Variants in NRG1 observed in about 807,000 individuals in gnomAD.
NRG1 encodes pro-neuregulin-1, membrane-bound isoform.
NRG1 carries 18 observed loss-of-function variants against 63.8 expected under a neutral mutation model. That is an observed-to-expected ratio of 0.28 (90% CI 0.19 to 0.42). The LOEUF (loss-of-function observed/expected upper bound fraction) is 0.42, where lower values mean the gene tolerates loss of function less well. Among genes scored for constraint, NRG1 ranks in the 10% least tolerant of loss-of-function variants. NRG1 has a pLI of 1.00. For missense variants in NRG1, 762 were observed against 814.7 expected (o/e 0.94, Z 0.79); for synonymous variants, 302 against 301.3 (o/e 1.00, Z -0.02).
intron 1 of NRG1, among the ~76,000 whole-genome samples, chr8:31,876,588 G>A (rs57517056): frequency 0.012 from 1,867 of 152,240 alleles, 45 homozygotes; most frequent in African/African-American, 0.043. Context: ...TAGTTATGGA[G>A]TGGATACACA....
chr8:32,493,799 T>C (rs1395027236), intron 1 of NRG1, among the ~76,000 whole-genome samples: 1 of 152,166 alleles, frequency 6.6e-6, no homozygotes, highest in South Asian at 2.1e-4. Flanking sequence ...AGATAATGAG[T>C]TCCCCCTGTT....
At chr8:32,109,218 C>T (rs191364788) in intron 1 of NRG1, among the ~76,000 whole-genome samples, 4 of 152,296 alleles carry the variant, frequency 2.6e-5, no homozygotes, top group Non-Finnish European at 5.9e-5. Context: ...GAACCCCAAA[C>T]ATCTTCCCAC....
At chr8:32,222,621 T>C (rs1845937324) in intron 1 of NRG1, among the ~76,000 whole-genome samples, 1 of 152,206 alleles carries the variant, frequency 6.6e-6, no homozygotes, top group South Asian at 2.1e-4. Context: ...GCTTTTTATC[T>C]TTTCAAACCT....
At chr8:31,871,847 T>C (rs555233710) in intron 1 of NRG1, among the ~76,000 whole-genome samples, 8 of 152,298 alleles carry the variant, frequency 5.3e-5, no homozygotes, top group Admixed American at 5.2e-4. Context: ...TATAAAAAAT[T>C]GATTGCTTTT....
intron 1 of NRG1, among the ~76,000 whole-genome samples, chr8:31,833,259 G>A (rs1315420706): frequency 1.3e-5 from 2 of 152,162 alleles, no homozygotes; most frequent in Non-Finnish European, 2.9e-5. Flanking sequence ...CTATGTTGAT[G>A]TCCATATTCA....
intron 1 of NRG1, among the ~76,000 whole-genome samples, chr8:32,074,828 T>G (rs1826246251): frequency 1.3e-5 from 2 of 152,254 alleles, no homozygotes; most frequent in African/African-American, 4.8e-5. Flanking sequence ...TGACTAATTA[T>G]GAACAAACTG....
At chr8:32,115,864 A>C (rs943465179) in intron 1 of NRG1, among the ~76,000 whole-genome samples, 1 of 152,128 alleles carries the variant, frequency 6.6e-6, no homozygotes, top group African/African-American at 2.4e-5. Flanking sequence ...GTGGCTGCCA[A>C]GTCAATGCTC....
intron 1 of NRG1, among the ~76,000 whole-genome samples, chr8:32,269,418 C>T (rs549885325): frequency 1.3e-5 from 2 of 152,172 alleles, no homozygotes; most frequent in Non-Finnish European, 2.9e-5. Context: ...TTTCCCATTA[C>T]ATCCTGCCAA....
At chr8:31,766,304 T>C (rs1818052550) in intron 1 of NRG1, among the ~76,000 whole-genome samples, 1 of 152,204 alleles carries the variant, frequency 6.6e-6, no homozygotes, top group Admixed American at 6.5e-5. Flanking sequence ...TATCCTGAGC[T>C]GTCGTAGATA....
chr8:32,331,223 C>T (rs1022606243), intron 1 of NRG1, among the ~76,000 whole-genome samples: 3 of 152,092 alleles, frequency 2.0e-5, no homozygotes, highest in African/African-American at 7.2e-5. Flanking sequence ...TGGCTGGACA[C>T]AGCGGCTCAC....
chr8:32,306,800 AT>A (rs1856235621), intron 1 of NRG1, among the ~76,000 whole-genome samples: 1 of 152,234 alleles, frequency 6.6e-6, no homozygotes, highest in Admixed American at 6.5e-5. Context: ...ATATTAATTA[AT>A]CGATTGATTG....
intron 1 of NRG1, among the ~76,000 whole-genome samples, chr8:31,823,252 C>G (rs1331953651): frequency 6.6e-6 from 1 of 151,008 alleles, no homozygotes; most frequent in African/African-American, 2.4e-5. Flanking sequence ...GATCCTTGAC[C>G]TAATTAACAG....
chr8:32,525,004 A>G (rs1024120107), intron 1 of NRG1, among the ~76,000 whole-genome samples: 3 of 152,226 alleles, frequency 2.0e-5, no homozygotes, highest in Non-Finnish European at 4.4e-5. Flanking sequence ...ATATAATGCA[A>G]TCCAATATTT....
intron 1 of NRG1, among the ~76,000 whole-genome samples, chr8:32,443,274 C>G (rs995096723): frequency 6.6e-6 from 1 of 152,122 alleles, no homozygotes; most frequent in African/African-American, 2.4e-5. Context: ...ATGTCCGAGC[C>G]TTTCCATTTG....
chr8:31,731,439 C>CAT (rs1356698023), intron 1 of NRG1, among the ~76,000 whole-genome samples: 3 of 151,798 alleles, frequency 2.0e-5, no homozygotes, highest in African/African-American at 7.3e-5. Flanking sequence ...CACACACACA[C>CAT]ACACACATTT....
At chr8:32,557,379 A>G (rs1220332739) in intron 1 of NRG1, among the ~76,000 whole-genome samples, 1 of 152,222 alleles carries the variant, frequency 6.6e-6, no homozygotes, top group Non-Finnish European at 1.5e-5. Flanking sequence ...CTTTTCTGCC[A>G]ACAGGGTGAA....
At chr8:32,107,020 C>T (rs868242450) in intron 1 of NRG1, among the ~76,000 whole-genome samples, 1 of 151,986 alleles carries the variant, frequency 6.6e-6, no homozygotes, top group Non-Finnish European at 1.5e-5. Flanking sequence ...AGTTCAAGAC[C>T]AGCCTGACCA....
At chr8:31,992,138 C>T (rs929999343) in intron 1 of NRG1, among the ~76,000 whole-genome samples, 2 of 151,580 alleles carry the variant, frequency 1.3e-5, no homozygotes, top group African/African-American at 4.8e-5. Flanking sequence ...AGTTCAAGAC[C>T]AGCCTGAGCA....
intron 1 of NRG1, among the ~76,000 whole-genome samples, chr8:31,802,234 ATAGT>A (rs1189416165): frequency 6.6e-6 from 1 of 152,204 alleles, no homozygotes; most frequent in African/African-American, 2.4e-5. Flanking sequence ...CTCACAGATA[ATAGT>A]GCAAGCAAGT....
Sources: gnomAD v4.1 joint callset for allele counts (sites outside exome capture counted in the v4.1 genomes callset) on GRCh38, gnomAD v4.1.1 for gene constraint, MANE v1.5 for transcripts, NCBI Gene and HGNC (gene_info 2026-07-23, HGNC 2026-07-21) for gene names.